NLGN1: variants seen among roughly 807,000 people sequenced by gnomAD.
NLGN1 encodes the protein neuroligin-1.
A neutral mutation model predicts 65.5 loss-of-function variants in NLGN1; 12 were observed. That is an observed-to-expected ratio of 0.18 (90% CI 0.12 to 0.30). NLGN1 has a LOEUF of 0.30. Ranked by LOEUF, NLGN1 falls within the 10% of genes least tolerant of loss-of-function variation. NLGN1 has a pLI of 1.00. For synonymous variants in NLGN1, 350 were observed against 359.5 expected (o/e 0.97, Z 0.30); for missense variants, 750 against 1,007.1 (o/e 0.74, Z 3.46).
chr3:174,016,542 G>A (rs749520871), intron 4 of NLGN1, among the ~76,000 whole-genome samples: 1 of 152,156 alleles, frequency 6.6e-6, no homozygotes, highest in South Asian at 2.1e-4. Flanking sequence ...GGCATAGGGA[G>A]TAACACCCTC....
intron 2 of NLGN1, among the ~76,000 whole-genome samples, chr3:173,597,636 A>G (rs1749700836): frequency 6.6e-6 from 1 of 151,996 alleles, no homozygotes; most frequent in Non-Finnish European, 1.5e-5. Flanking sequence ...ATATACATAT[A>G]TGTTACTTTT....
In NLGN1 at chr3:173,485,788, A is replaced by G. The variant is rs1192548130; in HGVS notation, c.-321+50710A>G. Among the ~76,000 whole-genome samples the G allele has an allele frequency of 2.0e-5, 3 of 152,196 alleles. No homozygotes were observed. In the East Asian group the frequency reaches 5.8e-4, roughly 29 times the overall value. ...ATAGAATCCCGTAATACTTTTTTGC[A>G]GATACTTTTTCCTACATAGGTAATC... On this transcript the variant is annotated intron_variant, in intron 2 of 6. Coordinates refer to ENST00000457714, the Ensembl canonical transcript of NLGN1.
At chr3:173,898,737 T>TA (rs1475009318) in intron 4 of NLGN1, among the ~76,000 whole-genome samples, 1 of 152,162 alleles carries the variant, frequency 6.6e-6, no homozygotes, top group Non-Finnish European at 1.5e-5. Context: ...AGTAGGATTG[T>TA]ATGCTACTTT....
At chr3:174,242,295 G>A (rs1395371059) in intron 4 of NLGN1, among the ~76,000 whole-genome samples, 2 of 151,788 alleles carry the variant, frequency 1.3e-5, no homozygotes, top group African/African-American at 4.8e-5. Context: ...GAATCAGGCC[G>A]CACAAGAGAA....
At chr3:173,430,703 T>A (rs1313113794) in intron 1 of NLGN1, among the ~76,000 whole-genome samples, 2 of 152,244 alleles carry the variant, frequency 1.3e-5, no homozygotes, top group Non-Finnish European at 2.9e-5. Flanking sequence ...CTTAGTGGCA[T>A]TCTCATGAGA....
intron 4 of NLGN1, among the ~76,000 whole-genome samples, chr3:174,126,334 G>A (rs894672744): frequency 1.3e-5 from 2 of 152,106 alleles, no homozygotes; most frequent in African/African-American, 2.4e-5. Flanking sequence ...CCATAGTGTA[G>A]AGGAAAGAAA....
intron 2 of NLGN1, among the ~76,000 whole-genome samples, chr3:173,548,977 A>G (rs2149257946): frequency 6.6e-6 from 1 of 152,118 alleles, no homozygotes; most frequent in South Asian, 2.1e-4. Context: ...GCAGTTTGAA[A>G]AACATTGTTC....
At chr3:174,178,092 G>A (rs1004782263) in intron 4 of NLGN1, among the ~76,000 whole-genome samples, 2 of 152,134 alleles carry the variant, frequency 1.3e-5, no homozygotes, top group African/African-American at 4.8e-5. Flanking sequence ...TGGCTTAATA[G>A]TGCTTGGCAC....
intron 2 of NLGN1, among the ~76,000 whole-genome samples, chr3:173,560,727 G>A (rs1329338816): frequency 6.6e-6 from 1 of 152,032 alleles, no homozygotes; most frequent in Admixed American, 6.5e-5. Context: ...ATAAATAAAT[G>A]ACTCAAGATT....
intron 4 of NLGN1, among the ~76,000 whole-genome samples, chr3:174,068,192 G>A (rs955654494): frequency 1.3e-5 from 2 of 151,884 alleles, no homozygotes; most frequent in South Asian, 2.1e-4. Context: ...CTGGCAGCCC[G>A]CTCTGCCTAG....
At chr3:174,233,832 C>G (rs78768439) in intron 4 of NLGN1, among the ~76,000 whole-genome samples, 1 of 152,088 alleles carries the variant, frequency 6.6e-6, no homozygotes, top group Non-Finnish European at 1.5e-5. Context: ...AGTCCACAAA[C>G]GTAGATATTG....
In NLGN1 at chr3:174,155,446, G is replaced by A. The variant is rs899128264; in HGVS notation, c.647-119869G>A. Among the ~76,000 whole-genome samples the A allele has an allele frequency of 3.3e-5, 5 of 151,872 alleles. No individual in the cohort carries two copies. In the Admixed American group the frequency reaches 3.3e-4, roughly 10 times the overall value. ...GAGAAGATTGCAGAGATTAGCTACA[G>A]ACCATTTGTCAGGGGAGACTGAAGC... On this transcript the variant is annotated intron_variant, in intron 4 of 6. Transcript: ENST00000457714.
intron 4 of NLGN1, among the ~76,000 whole-genome samples, chr3:173,911,483 A>G (rs1440971476): frequency 6.6e-6 from 1 of 152,204 alleles, no homozygotes; most frequent in African/African-American, 2.4e-5. Context: ...ATATATGTAA[A>G]TGTTAGCAAG....
At chr3:173,550,943 T>G (rs1740752626) in intron 2 of NLGN1, among the ~76,000 whole-genome samples, 1 of 152,182 alleles carries the variant, frequency 6.6e-6, no homozygotes, top group Non-Finnish European at 1.5e-5. Flanking sequence ...ACTTGAGAGC[T>G]TCCGATTTTT....
intron 4 of NLGN1, among the ~76,000 whole-genome samples, chr3:174,075,860 A>G (rs1740793152): frequency 6.6e-6 from 1 of 152,306 alleles, no homozygotes; most frequent in South Asian, 2.1e-4. Context: ...TGCTTTAATT[A>G]ATTTTATCAG....
intron 4 of NLGN1, among the ~76,000 whole-genome samples, chr3:174,146,092 TTTTCCTTCC>T (rs1577085344): frequency 2.2e-5 from 3 of 134,388 alleles, no homozygotes; most frequent in East Asian, 6.8e-4. Context: ...TATTCTACTC[TTTTCCTTCC>T]TTCCTTCCTT....
chr3:173,718,311 A>C (rs540493492), intron 3 of NLGN1, among the ~76,000 whole-genome samples: 1 of 152,062 alleles, frequency 6.6e-6, no homozygotes, highest in African/African-American at 2.4e-5. Context: ...CCCCCAACCT[A>C]CCCTTCTGGT....
At chr3:173,810,705 G>A (rs1007881567) in intron 4 of NLGN1, among the ~76,000 whole-genome samples, 1 of 152,122 alleles carries the variant, frequency 6.6e-6, no homozygotes, top group African/African-American at 2.4e-5. Flanking sequence ...CTATCTAGCT[G>A]CCAATTTTTC....
intron 1 of NLGN1, among the ~76,000 whole-genome samples, chr3:173,415,941 A>AGC (rs148689348): frequency 0.011 from 1,533 of 138,190 alleles, 22 homozygotes; most frequent in African/African-American, 0.02. Flanking sequence ...AGAGAGAGAG[A>AGC]GAGCTTGGTA....
Sources: allele counts gnomAD v4.1 joint callset (sites outside exome capture counted in the v4.1 genomes callset), GRCh38; gene constraint gnomAD v4.1.1; transcripts MANE v1.5; gene names NCBI Gene and HGNC (gene_info 2026-07-23, HGNC 2026-07-21).